POLE2: variants seen among roughly 807,000 people sequenced by gnomAD.
The protein encoded by POLE2 is DNA polymerase epsilon subunit 2.
POLE2 carries 56 observed loss-of-function variants against 79.4 expected under a neutral mutation model. The ratio of observed to expected loss-of-function variants is 0.71; its 90% confidence interval spans 0.57 to 0.88. POLE2 has a LOEUF of 0.88. Among genes scored for constraint, POLE2 ranks in the 40% least tolerant of loss-of-function variants. The probability of loss-of-function intolerance (pLI) is 0.00; values close to 1 mark genes in which losing one functional copy is unlikely to be tolerated. For synonymous variants in POLE2, 212 were observed against 214.0 expected (o/e 0.99, Z 0.08); for missense variants, 598 against 638.9 (o/e 0.94, Z 0.69).
chr14:49,677,941 G>A (rs1380736017), intron 3 of POLE2: 1 of 297,462 alleles, frequency 3.4e-6, no homozygotes, highest in African/African-American at 2.2e-5. Context: ...GCCTTGGAAA[G>A]AGGCTCCCAT....
intron 2 of POLE2, among the ~76,000 whole-genome samples, chr14:49,680,624 A>G (rs1448073912): frequency 6.6e-6 from 1 of 152,126 alleles, no homozygotes; most frequent in African/African-American, 2.4e-5. Context: ...TTGCCCAAAA[A>G]CTAGAAGAGA....
chr14:49,646,302 G>GT (rs1162033821), intron 18 of POLE2, among the ~76,000 whole-genome samples: 2,140 of 84,338 alleles, frequency 0.025, 208 homozygotes, highest in East Asian at 0.14. Flanking sequence ...TTTTTTGTTG[G>GT]TTTTTTTTTT....
intron 7 of POLE2, 35 bp downstream of exon 7, chr14:49,666,295 G>C (rs1174193027): frequency 9.4e-7 from 1 of 1,061,476 alleles, no homozygotes. Context: ...ATCAATCCAA[G>C]GCCAAAAATA....
At chr14:49,660,462 AT>A (rs927082401) in intron 10 of POLE2, among the ~76,000 whole-genome samples, 64 of 147,236 alleles carry the variant, frequency 4.3e-4, no homozygotes, top group South Asian at 1.1e-3. Flanking sequence ...ATATTTTCTA[AT>A]TTTTTTTTTT....
chr14:49,679,951 A>G (rs1886581453), intron 2 of POLE2, 151 bp from the exon 3 acceptor site: 2 of 589,530 alleles, frequency 3.4e-6, no homozygotes, highest in East Asian at 5.6e-5. Flanking sequence ...AGGTCAGAAC[A>G]ATAACAAAAG....
rs1883545307 is a variant in POLE2, at chr14:49,643,559, G to C, written c.*93C>G. On this transcript the variant is annotated 3_prime_UTR_variant, in exon 19 of 19. Coordinates refer to ENST00000216367, the MANE Select transcript of POLE2 (RefSeq NM_002692.4). ...ACAAATTTAAGCAGAACATCCTAAA[G>C]TTTACCATAATTTTATTGTAATATC... 9.8e-6 allele frequency: 7 copies of C among 714,168 alleles called. No individual in the cohort carries two copies. Among genetic ancestry groups the C allele is most frequent in the Middle Eastern group, 2.4e-4 (1 of 4,100 alleles). 44.2% of individuals were successfully genotyped at this position (714,168 alleles called of 1,614,324 possible). A position where few individuals can be genotyped will look rare whatever the true frequency, so the allele number is the denominator to read the frequency against.
At chr14:49,665,638 G>A (rs1402119418) in intron 7 of POLE2, among the ~76,000 whole-genome samples, 1 of 150,332 alleles carries the variant, frequency 6.7e-6, no homozygotes, top group Non-Finnish European at 1.5e-5. Context: ...AGATGAAAAA[G>A]ACACTTGGTG....
intron 1 of POLE2, among the ~76,000 whole-genome samples, chr14:49,687,297 A>AC (rs1424067937): frequency 1.1e-4 from 12 of 113,146 alleles, no homozygotes; most frequent in South Asian, 2.5e-4. Flanking sequence ...ATATACACAC[A>AC]CACCACACAC....
intron 6 of POLE2, among the ~76,000 whole-genome samples, chr14:49,668,418 G>A (rs1885643428): frequency 6.7e-6 from 1 of 150,068 alleles, no homozygotes; most frequent in Non-Finnish European, 1.5e-5. Flanking sequence ...TTCAAGACCA[G>A]CCTGGGCAAC....
At chr14:49,652,981 T>C (rs1411117139) in intron 15 of POLE2, among the ~76,000 whole-genome samples, 1 of 152,018 alleles carries the variant, frequency 6.6e-6, no homozygotes, top group African/African-American at 2.4e-5. Flanking sequence ...AATTTGAAGT[T>C]AATGGGACTT....
chr14:49,652,039 G>A (rs776657035), intron 15 of POLE2, among the ~76,000 whole-genome samples: 6 of 152,208 alleles, frequency 3.9e-5, no homozygotes, highest in Non-Finnish European at 8.8e-5. Context: ...GCAAGGATAC[G>A]GCTGTCACTA....
chr14:49,656,759 T>G lies in POLE2; in HGVS notation c.756-916A>C, dbSNP rs117196479. On this transcript the variant is annotated intron_variant, in intron 10 of 18. Transcript: ENST00000216367. ...CTCCTCTGAGGATCCCAAAAGAGGT[T>G]AGATTTTCCCATTATACACTCTCAT... is the stretch of plus-strand genomic sequence containing the variant. Among the ~76,000 whole-genome samples the G allele has an allele frequency of 1.1e-3, 169 of 152,252 alleles. 3 individuals carry two copies. The East Asian group carries it at 0.018, about 17-fold the overall frequency.
intron 3 of POLE2, among the ~76,000 whole-genome samples, chr14:49,675,143 G>T (rs187602372): frequency 6.5e-4 from 97 of 149,592 alleles, no homozygotes; most frequent in Admixed American, 1.2e-3. Context: ...GGAGTGCAAT[G>T]GCTCGATCGT....
At chr14:49,655,978 G>A (rs186076821) in intron 10 of POLE2, 135 bp from the exon 11 acceptor site, 414 of 556,462 alleles carry the variant, frequency 7.4e-4, no homozygotes, top group Admixed American at 2.7e-3. Flanking sequence ...CACTTTAAAA[G>A]TACAAAGGTT....
rs1215104033 is a variant in POLE2 at position 49,655,686 on chromosome 14, G to A, written c.913C>T (p.Arg305Cys). The A allele has an allele frequency of 5.0e-6, 8 of 1,607,168 alleles. No individual in the cohort carries two copies. The highest frequency in any genetic ancestry group is 4.5e-5 in the East Asian group (2 of 44,716). The change falls in exon 11 of 19, where the codon CGC becomes TGC. Residue 305 changes from arginine (R) to cysteine (C), a missense_variant. Coordinates refer to ENST00000216367, the MANE Select transcript of POLE2 (RefSeq NM_002692.4). Reference sequence around the variant, plus strand: ...TAAGACCTACCAGCAAACATTATGCGAAGTTTTTCCAATACTTCCACCTGG... The same window carrying A: ...TAAGACCTACCAGCAAACATTATGCAAAGTTTTTCCAATACTTCCACCTGG... ...LDQVEVLEKL[R>C]IMFAGYSPAP...
At chr14:49,679,550 T>A in intron 3 of POLE2, 175 bp downstream of exon 3, 1 of 525,320 alleles carries the variant, frequency 1.9e-6, no homozygotes, top group Non-Finnish European at 3.4e-6. Flanking sequence ...CCAGTAAAGA[T>A]GAGTCATTTA....
chr14:49,677,423 C>G (rs929193207), intron 3 of POLE2: 8 of 471,842 alleles, frequency 1.7e-5, no homozygotes, highest in African/African-American at 1.6e-4. Context: ...CCACAGGGAC[C>G]TGAAGCCCAC....
At position 49,654,813 on chromosome 14, in the gene POLE2, T is replaced by G. The variant is rs1884530736; in HGVS notation, c.1044A>C (p.Ile348=). 2 of 1,490,192 alleles carry G rather than the reference T, an allele frequency of 1.3e-6. No homozygotes were observed. Among genetic ancestry groups the G allele is most frequent in the East Asian group, 2.5e-5 (1 of 39,244 alleles). 92.3% of individuals were successfully genotyped at this position (1,490,192 alleles called of 1,614,324 possible). ...GGTGAATATCTGGGTATTCACATAT[T>G]ATATCTGCCAAAGTTTTTAGGGAAT... is the stretch of plus-strand genomic sequence containing the variant. ...LKDSLKTLAD[I]ICEYPDIHQS... is the part of the protein sequence containing the mutation. The change falls in exon 13 of 19, where the codon ATA becomes ATC. Residue 348 remains isoleucine, a synonymous_variant. Transcript: ENST00000216367.
At chr14:49,684,292 G>A (rs1404806822) in intron 1 of POLE2, among the ~76,000 whole-genome samples, 6 of 151,578 alleles carry the variant, frequency 4.0e-5, no homozygotes, top group South Asian at 2.1e-4. Context: ...ATGAAACCCC[G>A]TCTCTACTAA....
Sources: gnomAD v4.1 joint callset for allele counts (sites outside exome capture counted in the v4.1 genomes callset) on GRCh38, gnomAD v4.1.1 for gene constraint, MANE v1.5 for transcripts, NCBI Gene and HGNC (gene_info 2026-07-23, HGNC 2026-07-21) for gene names.